The following AASS variants were observed in gnomAD, a reference collection of about 807,000 sequenced individuals.
AASS encodes aminoadipate-semialdehyde synthase, also known as alpha-aminoadipic semialdehyde synthase, mitochondrial.
A neutral mutation model predicts 105.4 loss-of-function variants in AASS; 86 were observed. That is an observed-to-expected ratio of 0.82 (90% CI 0.69 to 0.98). The LOEUF is 0.98. Ranked by LOEUF, AASS falls within the 50% of genes least tolerant of loss-of-function variation. The pLI, the probability that AASS is intolerant of heterozygous loss-of-function variation, is 0.00. For missense variants in AASS, 1,048 were observed against 1,143.2 expected, an observed-to-expected ratio of 0.92 and a Z score of 1.20; for synonymous variants, 381 against 394.8, an observed-to-expected ratio of 0.96 and a Z score of 0.41.
rs74497539 is a variant in AASS, at chr7:122,121,993, C to T, written c.473-3363G>A. 2.6e-3 allele frequency among the ~76,000 whole-genome samples: 399 copies of T among 152,230 alleles called. 2 individuals carry two copies. Among genetic ancestry groups the T allele is most frequent in the African/African-American group, 9.3e-3 (386 of 41,536 alleles). Reference sequence around the variant, plus strand: ...CTTTCAGCACTTTAAAGATGTTGCTCCACTTTCTGCTAGCTTAAACTGTTT... The same window carrying T: ...CTTTCAGCACTTTAAAGATGTTGCTTCACTTTCTGCTAGCTTAAACTGTTT... On this transcript the variant is annotated intron_variant, in intron 4 of 23. Coordinates refer to ENST00000417368, the MANE Select transcript of AASS (RefSeq NM_005763.4).
At chr7:122,082,961 TTTATTCC>T in intron 19 of AASS, 1 of 979,418 alleles carries the variant, frequency 1.0e-6, no homozygotes, top group East Asian at 6.0e-5. Flanking sequence ...ACCATAATGG[TTTATTCC>T]CCAGTGTGCA....
Position 122,115,062 on chromosome 7 carries a change from T to G in AASS, c.1043+12A>C. 1 of 1,614,078 alleles carries G rather than the reference T, an allele frequency of 6.2e-7. No individual in the cohort carries two copies. Among genetic ancestry groups the G allele is most frequent in the Non-Finnish European group, 8.5e-7 (1 of 1,179,982 alleles). On this transcript the variant is annotated intron_variant, in intron 9 of 23. Coordinates refer to ENST00000417368, the MANE Select transcript of AASS (RefSeq NM_005763.4). Reference sequence around the variant, plus strand: ...GTCAAAACTACTATCGTTGCTGAAGTAGAGTCCTTACTTGTGTGGTAATGC... The same window carrying G: ...GTCAAAACTACTATCGTTGCTGAAGGAGAGTCCTTACTTGTGTGGTAATGC...
chr7:122,110,475 A>G (rs1330065658), intron 11 of AASS, among the ~76,000 whole-genome samples: 1 of 151,972 alleles, frequency 6.6e-6, no homozygotes, highest in Non-Finnish European at 1.5e-5. Context: ...ATAATTTTAA[A>G]ACTTACCCTT....
intron 19 of AASS, among the ~76,000 whole-genome samples, chr7:122,085,269 T>C (rs1793565909): frequency 6.6e-6 from 1 of 152,186 alleles, no homozygotes; most frequent in Admixed American, 6.5e-5. Context: ...AAACCCCTAT[T>C]GTTTCAAGCT....
chr7:122,139,180 A>G (rs1156795552), intron 1 of AASS, among the ~76,000 whole-genome samples: 1 of 152,216 alleles, frequency 6.6e-6, no homozygotes, highest in African/African-American at 2.4e-5. Flanking sequence ...GTCTCTTGAT[A>G]GAGTTATCAA....
At position 122,079,651 on chromosome 7, in the gene AASS, T is replaced by C; in HGVS notation, c.2342A>G (p.Glu781Gly). Reference sequence around the variant, plus strand: ...TCCTCCTAGTTTCTTAAGAACAGCTTCCTTCAACACATCATGCTCAGAGGA... The same window carrying C: ...TCCTCCTAGTTTCTTAAGAACAGCTCCCTTCAACACATCATGCTCAGAGGA... ...SPSSEHDVLK[E>G]AVLKKLGGDN... The change falls in exon 21 of 24, where the codon GAA (glutamate) becomes GGA (glycine). Residue 781 changes from glutamate to glycine, a missense_variant. Transcript: ENST00000417368. 1 of 1,614,044 alleles carries C rather than the reference T, an allele frequency of 6.2e-7. No homozygotes were observed. Among genetic ancestry groups the C allele is most frequent in the Non-Finnish European group, 8.5e-7 (1 of 1,179,964 alleles).
Position 122,075,477 on chromosome 7 carries a change from G to A in AASS, c.*1012C>T, listed in dbSNP as rs1792956950. ...GTCCAGTACAAGTTGAATAGAAATG[G>A]CCAAAGCAGACATCCTTGTCTTGTT... On this transcript the variant is annotated 3_prime_UTR_variant, in exon 24 of 24. Transcript: ENST00000417368. Among the ~76,000 whole-genome samples the A allele has an allele frequency of 6.6e-6, 1 of 152,072 alleles. No individual in the cohort carries two copies. Among genetic ancestry groups the A allele is most frequent in the Non-Finnish European group, 1.5e-5 (1 of 68,018 alleles).
At chr7:122,138,276 T>C (rs1341669591) in intron 1 of AASS, among the ~76,000 whole-genome samples, 1 of 152,154 alleles carries the variant, frequency 6.6e-6, no homozygotes, top group African/African-American at 2.4e-5. Context: ...TATCTGTGGG[T>C]AATACATTCC....
intron 4 of AASS, among the ~76,000 whole-genome samples, chr7:122,121,753 C>T (rs749838469): frequency 1.5e-4 from 23 of 152,038 alleles, no homozygotes; most frequent in Non-Finnish European, 2.6e-4. Context: ...GTTCTTTATT[C>T]CTTTAATTCA....
intron 4 of AASS, among the ~76,000 whole-genome samples, chr7:122,126,025 C>T (rs1428992226): frequency 6.6e-6 from 1 of 152,150 alleles, no homozygotes; most frequent in Non-Finnish European, 1.5e-5. Flanking sequence ...ATTCCTGCCC[C>T]TGGACCTTTT....
chr7:122,109,261 A>G (rs1408642944), intron 11 of AASS, among the ~76,000 whole-genome samples: 1 of 151,606 alleles, frequency 6.6e-6, no homozygotes, highest in Non-Finnish European at 1.5e-5. Context: ...ACCAAAAAAA[A>G]AAAAAAAATG....
In AASS at chr7:122,078,910, A is replaced by C. The variant is rs368777484; in HGVS notation, c.2437T>G (p.Ser813Ala). The stretch of plus-strand genomic sequence containing the variant: ...TGCTTGGAGAGGGCATCCAGAATGG[A>C]CTCTGCCTGAGGAACTTGTTCATCC... ...LGDEQVPQAE[S>A]ILDALSKHLV... The change falls in exon 22 of 24, where the codon TCC becomes GCC. Residue 813 changes from serine (S) to alanine (A), a missense_variant. Coordinates refer to ENST00000417368, the MANE Select transcript of AASS (RefSeq NM_005763.4). The C allele has an allele frequency of 1.9e-5, 30 of 1,613,942 alleles. No homozygotes were observed. The highest frequency in any genetic ancestry group is 2.5e-5 in the Non-Finnish European group (30 of 1,180,002).
At chr7:122,131,033 C>CAAAAAAAAAAA (rs200717404) in intron 2 of AASS, among the ~76,000 whole-genome samples, 1 of 88,518 alleles carries the variant, frequency 1.1e-5, no homozygotes. Flanking sequence ...TTTATTTTTG[C>CAAAAAAAAAAA]AAAAAAAAAA....
intron 11 of AASS, among the ~76,000 whole-genome samples, chr7:122,108,656 A>C (rs747370536): frequency 1.3e-5 from 2 of 152,156 alleles, no homozygotes; most frequent in Non-Finnish European, 2.9e-5. Flanking sequence ...CAAATTTGGC[A>C]TACAGGGTAC....
chr7:122,142,246 T>G (rs1306141113), intron 1 of AASS, among the ~76,000 whole-genome samples: 1 of 152,190 alleles, frequency 6.6e-6, no homozygotes, highest in African/African-American at 2.4e-5. Flanking sequence ...TGAGCTAATA[T>G]GCATAAAGTG....
rs755952149 is a variant in AASS, at chr7:122,093,095, C to T, written c.1719G>A (p.Met573Ile). 2 of 1,613,784 alleles carry T rather than the reference C, an allele frequency of 1.2e-6. No individual in the cohort carries two copies. Among genetic ancestry groups the T allele is most frequent in the Non-Finnish European group, 1.7e-6 (2 of 1,179,882 alleles). Reference protein sequence around the residue: ...AKACITNKVNMVTASYITPAL... With the variant: ...AKACITNKVNIVTASYITPAL... ...CTGGTGTGATGTAGCTTGCAGTGAC[C>T]ATGTTAACTTTGTTTGTGATGCAGG... is the stretch of plus-strand genomic sequence containing the variant. The change falls in exon 16 of 24, where the codon ATG (methionine) becomes ATA (isoleucine). Residue 573 changes from methionine to isoleucine, a missense_variant. By Grantham distance (10) the Met-to-Ile change is conservative (BLOSUM62 1). Transcript: ENST00000417368.
At chr7:122,079,511 A>G in intron 21 of AASS, 86 bp downstream of exon 21, 1 of 1,194,232 alleles carries the variant, frequency 8.4e-7, no homozygotes, top group Non-Finnish European at 1.2e-6. Context: ...TCAAAGACAA[A>G]TGTAAAATAT....
intron 1 of AASS, among the ~76,000 whole-genome samples, chr7:122,141,510 GA>G (rs1475208172): frequency 1.3e-5 from 2 of 151,906 alleles, no homozygotes; most frequent in Non-Finnish European, 2.9e-5. Flanking sequence ...TGGCACATGG[GA>G]AAACAGCAAG....
At chr7:122,081,473 G>A in intron 20 of AASS, 27 bp downstream of exon 20, 5 of 1,543,732 alleles carry the variant, frequency 3.2e-6, no homozygotes, top group Non-Finnish European at 4.5e-6. Flanking sequence ...AAAAGGAGCA[G>A]ATAGAACGTA....
Sources: gnomAD v4.1 joint callset for allele counts (sites outside exome capture counted in the v4.1 genomes callset) on GRCh38, gnomAD v4.1.1 for gene constraint, MANE v1.5 for transcripts, NCBI Gene and HGNC (gene_info 2026-07-23, HGNC 2026-07-21) for gene names.